TEAD1: variants seen among roughly 807,000 people sequenced by gnomAD.
TEAD1 encodes the protein transcriptional enhancer factor TEF-1.
In TEAD1, 9 loss-of-function variants were observed where a neutral mutation model predicts 54.9. The observed-to-expected ratio is 0.16, with a 90% CI of 0.10 to 0.29. TEAD1 has a LOEUF of 0.29. Among genes scored for constraint, TEAD1 ranks in the 10% least tolerant of loss-of-function variants. TEAD1 has a pLI of 1.00. For synonymous variants in TEAD1, 200 were observed against 187.8 expected (o/e 1.07, Z -0.53); for missense variants, 387 against 535.9 (o/e 0.72, Z 2.74).
chr11:12,788,976 C>T (rs552321941), intron 3 of TEAD1, among the ~76,000 whole-genome samples: 1 of 152,332 alleles, frequency 6.6e-6, no homozygotes, highest in Admixed American at 6.5e-5. Context: ...TCTCAAGCCC[C>T]TGGCCTCAAG....
intron 11 of TEAD1, among the ~76,000 whole-genome samples, chr11:12,927,874 A>T (rs546568681): frequency 1.3e-5 from 2 of 152,236 alleles, no homozygotes; most frequent in African/African-American, 4.8e-5. Context: ...TCTCATACTT[A>T]ACTTTAGTTT....
At position 12,729,989 on chromosome 11, in the gene TEAD1, G is replaced by A. The variant is rs571115002; in HGVS notation, c.-54-34190G>A. 2.0e-5 allele frequency among the ~76,000 whole-genome samples: 3 copies of A among 152,288 alleles called. No individual in the cohort carries two copies. The East Asian group carries it at 5.8e-4, about 29-fold the overall frequency. ...GCAATGCCTGGCACTAAGACAGCCA[G>A]TTTAACTTTGTATTACCTAAGGTAA... On this transcript the variant is annotated intron_variant, in intron 2 of 12. Transcript: ENST00000527636.
chr11:12,700,132 A>T (rs765890955), intron 2 of TEAD1, among the ~76,000 whole-genome samples: 4 of 152,234 alleles, frequency 2.6e-5, no homozygotes, highest in Admixed American at 6.5e-5. Context: ...ATATTTCTGC[A>T]AAGAACTTTG....
At chr11:12,885,427 C>T (rs1208274559) in intron 9 of TEAD1, among the ~76,000 whole-genome samples, 3 of 151,898 alleles carry the variant, frequency 2.0e-5, no homozygotes, top group Admixed American at 1.3e-4. Flanking sequence ...TTAGTAGAGA[C>T]GGGGTTTCAC....
chr11:12,781,137 G>C (rs764535449), intron 3 of TEAD1, among the ~76,000 whole-genome samples: 1 of 152,282 alleles, frequency 6.6e-6, no homozygotes, highest in East Asian at 1.9e-4. Flanking sequence ...TGAGACATGC[G>C]AAGAGTGAAG....
intron 3 of TEAD1, among the ~76,000 whole-genome samples, chr11:12,818,511 G>A (rs1946464183): frequency 6.6e-6 from 1 of 152,168 alleles, no homozygotes; most frequent in African/African-American, 2.4e-5. Flanking sequence ...ATGGCCCTGA[G>A]TCCGGCATCC....
intron 5 of TEAD1, among the ~76,000 whole-genome samples, chr11:12,873,274 G>A (rs1164256965): frequency 1.3e-5 from 2 of 152,180 alleles, no homozygotes; most frequent in African/African-American, 4.8e-5. Flanking sequence ...GGGGGCTGAG[G>A]TCAGAAGGGT....
At chr11:12,760,406 A>T (rs573425810) in intron 2 of TEAD1, among the ~76,000 whole-genome samples, 1 of 152,308 alleles carries the variant, frequency 6.6e-6, no homozygotes, top group South Asian at 2.1e-4. Context: ...CGGTAGTTTG[A>T]GTTCCATGGC....
At chr11:12,821,961 C>CT (rs10700151) in intron 3 of TEAD1, among the ~76,000 whole-genome samples, 26,565 of 66,878 alleles carry the variant, frequency 0.4, 7,738 homozygotes, top group South Asian at 0.54. Flanking sequence ...TTCTCTTTTC[C>CT]TTTTTTTTTT....
At chr11:12,717,696 C>T (rs1240135589) in intron 2 of TEAD1, among the ~76,000 whole-genome samples, 5 of 152,134 alleles carry the variant, frequency 3.3e-5, no homozygotes, top group Non-Finnish European at 5.9e-5. Flanking sequence ...TAACAGGGAG[C>T]TAGTAGGGGT....
intron 2 of TEAD1, among the ~76,000 whole-genome samples, chr11:12,691,304 T>C (rs922055403): frequency 5.3e-5 from 8 of 152,186 alleles, no homozygotes; most frequent in African/African-American, 1.7e-4. Flanking sequence ...TAGTCTTTTA[T>C]AGTTTCCTTG....
At chr11:12,931,521 TGGTTCCA>T (rs1949010417) in intron 12 of TEAD1, among the ~76,000 whole-genome samples, 2 of 152,338 alleles carry the variant, frequency 1.3e-5, no homozygotes, top group African/African-American at 4.8e-5. Flanking sequence ...TTGGTGTTTT[TGGTTCCA>T]TTGGGACAGT....
intron 10 of TEAD1, among the ~76,000 whole-genome samples, chr11:12,907,984 A>G (rs1948549434): frequency 6.6e-6 from 1 of 152,232 alleles, no homozygotes; most frequent in South Asian, 2.1e-4. Context: ...TCCTGTCATT[A>G]TGAGATGCTC....
intron 9 of TEAD1, among the ~76,000 whole-genome samples, chr11:12,889,350 T>C (rs1392209069): frequency 6.6e-6 from 1 of 151,716 alleles, no homozygotes; most frequent in Non-Finnish European, 1.5e-5. Flanking sequence ...TGATAAAGCC[T>C]GGAGTGATGC....
intron 2 of TEAD1, among the ~76,000 whole-genome samples, chr11:12,693,568 A>T (rs1943510158): frequency 1.3e-5 from 2 of 152,202 alleles, no homozygotes; most frequent in Admixed American, 6.5e-5. Context: ...GGAAGTTGAA[A>T]CGCTGTTAAG....
chr11:12,881,173 C>A (rs1419530250), intron 7 of TEAD1, 122 bp downstream of exon 7: 1 of 1,086,144 alleles, frequency 9.2e-7, no homozygotes, highest in Admixed American at 1.9e-5. Context: ...CACTGAGGTC[C>A]CAGAAGGCAT....
intron 3 of TEAD1, among the ~76,000 whole-genome samples, chr11:12,830,639 TA>T (rs1451595581): frequency 6.6e-6 from 1 of 152,090 alleles, no homozygotes; most frequent in Non-Finnish European, 1.5e-5. Context: ...GCTCATCCTT[TA>T]AAAAAATCTG....
At chr11:12,714,859 G>T (rs1213062309) in intron 2 of TEAD1, among the ~76,000 whole-genome samples, 1 of 152,074 alleles carries the variant, frequency 6.6e-6, no homozygotes, top group Non-Finnish European at 1.5e-5. Flanking sequence ...GTCTCCTCTT[G>T]TAAGGACACC....
intron 3 of TEAD1, among the ~76,000 whole-genome samples, chr11:12,788,868 A>T (rs1945738293): frequency 1.3e-5 from 2 of 152,228 alleles, no homozygotes; most frequent in South Asian, 4.1e-4. Flanking sequence ...CTGTTTTCTT[A>T]AGCAGGGATT....
Sources: gnomAD v4.1 joint callset for allele counts (sites outside exome capture counted in the v4.1 genomes callset) on GRCh38, gnomAD v4.1.1 for gene constraint, MANE v1.5 for transcripts, NCBI Gene and HGNC (gene_info 2026-07-23, HGNC 2026-07-21) for gene names.